Variants in MSI2 observed in about 807,000 individuals in gnomAD.
MSI2 encodes the protein RNA-binding protein Musashi homolog 2.
Under a neutral mutation model 45.6 loss-of-function variants are expected in MSI2, and 17 were observed. The observed-to-expected ratio is 0.37, with a 90% CI of 0.26 to 0.56. The LOEUF (loss-of-function observed/expected upper bound fraction) is 0.56, where lower values mean the gene tolerates loss of function less well. Among genes scored for constraint, MSI2 ranks in the 20% least tolerant of loss-of-function variants. The pLI, the probability that MSI2 is intolerant of heterozygous loss-of-function variation, is 0.77. For missense variants in MSI2, 293 were observed against 444.2 expected, an observed-to-expected ratio of 0.66 and a Z score of 3.06; for synonymous variants, 156 against 158.2, an observed-to-expected ratio of 0.99 and a Z score of 0.11.
intron 7 of MSI2, among the ~76,000 whole-genome samples, chr17:57,536,202 T>C (rs1272643888): frequency 6.6e-6 from 1 of 152,234 alleles, no homozygotes; most frequent in African/African-American, 2.4e-5. Flanking sequence ...ACATAATGTA[T>C]GCATGTCCTT....
At chr17:57,528,602 G>C (rs2086754065) in intron 6 of MSI2, among the ~76,000 whole-genome samples, 1 of 152,162 alleles carries the variant, frequency 6.6e-6, no homozygotes. Flanking sequence ...CAATTCTGGA[G>C]GCTAGAAGTT....
intron 10 of MSI2, among the ~76,000 whole-genome samples, chr17:57,635,921 C>T (rs1033857899): frequency 3.3e-5 from 5 of 152,224 alleles, no homozygotes; most frequent in African/African-American, 1.2e-4. Context: ...TGCCATGTAG[C>T]TTGCCTTCTA....
the MSI2 span, among the ~76,000 whole-genome samples, chr17:57,698,904 TGTG>T: frequency 7.0e-6 from 1 of 142,106 alleles, no homozygotes; most frequent in South Asian, 2.3e-4. Flanking sequence ...TGTGTGTGTG[TGTG>T]TGTGTGTGTG....
chr17:57,494,583 A>G (rs2085939511), intron 6 of MSI2, among the ~76,000 whole-genome samples: 1 of 152,220 alleles, frequency 6.6e-6, no homozygotes, highest in African/African-American at 2.4e-5. Context: ...CCTCCATAAA[A>G]TAACCTGCTT....
intron 5 of MSI2, among the ~76,000 whole-genome samples, chr17:57,291,317 G>A (rs765029928): frequency 6.6e-6 from 1 of 152,148 alleles, no homozygotes; most frequent in Non-Finnish European, 1.5e-5. Flanking sequence ...ATCCCGGAGT[G>A]TTCTGAAATA....
chr17:57,456,702 C>T (rs531233314), intron 6 of MSI2, among the ~76,000 whole-genome samples: 2 of 152,138 alleles, frequency 1.3e-5, no homozygotes, highest in African/African-American at 4.8e-5. Flanking sequence ...GCTCAGGGCA[C>T]AACTGGGGCT....
chr17:57,409,047 C>T lies in MSI2; in HGVS notation c.405+7576C>T, dbSNP rs192169991. Among the ~76,000 whole-genome samples the T allele has an allele frequency of 3.5e-3, 527 of 152,174 alleles. 1 individual carries two copies. Among genetic ancestry groups the T allele is most frequent in the African/African-American group, 0.012 (502 of 41,496 alleles). On this transcript the variant is annotated intron_variant, in intron 6 of 13. Coordinates refer to ENST00000284073, the MANE Select transcript of MSI2 (RefSeq NM_138962.4). Reference sequence around the variant, plus strand: ...ACCACCCTCTAAATTTTTACAGCTCCGTATATTCAGACTTGGTATTTGTGA... The same window carrying T: ...ACCACCCTCTAAATTTTTACAGCTCTGTATATTCAGACTTGGTATTTGTGA...
intron 6 of MSI2, among the ~76,000 whole-genome samples, chr17:57,523,255 G>C (rs1349022942): frequency 6.6e-6 from 1 of 152,064 alleles, no homozygotes; most frequent in Non-Finnish European, 1.5e-5. Context: ...CACTATGTTG[G>C]CCAGGCTGGT....
rs779345531 is a variant in MSI2, at chr17:57,529,604, G to A, written c.406-72G>A. 3.2e-5 allele frequency: 45 copies of A among 1,393,644 alleles called. No individual in the cohort carries two copies. The highest frequency in any genetic ancestry group is 4.4e-5 in the African/African-American group (3 of 68,816). 86.3% of individuals were successfully genotyped at this position (1,393,644 alleles called of 1,614,324 possible). A position where few individuals can be genotyped will look rare whatever the true frequency, so the allele number is the denominator to read the frequency against. On this transcript the variant is annotated intron_variant, in intron 6 of 13. Coordinates refer to ENST00000284073, the MANE Select transcript of MSI2 (RefSeq NM_138962.4). The surrounding 1 kb of genome is among the most constrained non-coding windows in gnomAD (Gnocchi z 5.3). ...AATGGAAACTACCCCCTCACCCCCC[G>A]ACATGCATATAATGTTTTGTGTACT...
Position 57,680,775 on chromosome 17 carries a change from G to GGGGGGGGGGGGGGGGCCC in MSI2, c.*1258_*1259insGGGGGGGGGGGGGGGCCC. 6.5e-6 allele frequency: 1 copy of GGGGGGGGGGGGGGGGCCC among 152,792 alleles called. No individual in the cohort carries two copies. Among genetic ancestry groups the GGGGGGGGGGGGGGGGCCC allele is most frequent in the Non-Finnish European group, 1.4e-5 (1 of 71,482 alleles). The allele number at this position is 152,792 out of a possible 1,614,324, so 9.5% of individuals were successfully genotyped here. ...GCTTGGGTGGGGGTGGGGTGGGGGG[G>GGGGGGGGGGGGGGGGCCC]ACATTCTTTTTCAGTCTTAATTTTT... On this transcript the variant is annotated 3_prime_UTR_variant, in exon 14 of 14. Transcript: ENST00000284073.
chr17:57,383,234 A>AT (rs1455623506), intron 5 of MSI2, among the ~76,000 whole-genome samples: 1 of 152,206 alleles, frequency 6.6e-6, no homozygotes, highest in Non-Finnish European at 1.5e-5. Context: ...AAGAATTCAG[A>AT]TTTTGCCTAG....
At chr17:57,265,042 A>G (rs1907650352) in intron 5 of MSI2, 1 of 152,160 alleles carries the variant, frequency 6.6e-6, no homozygotes, top group Non-Finnish European at 1.5e-5. Flanking sequence ...AGTAAATGCC[A>G]AGGTTGTATG....
intron 5 of MSI2, among the ~76,000 whole-genome samples, chr17:57,285,622 C>G (rs1909804535): frequency 6.6e-6 from 1 of 152,176 alleles, no homozygotes; most frequent in African/African-American, 2.4e-5. Context: ...TTCCGGCCCC[C>G]ACAGTCATGC....
chr17:57,417,890 G>A (rs949680226), intron 6 of MSI2, among the ~76,000 whole-genome samples: 1 of 152,150 alleles, frequency 6.6e-6, no homozygotes, highest in South Asian at 2.1e-4. Context: ...ATGCCTTTTT[G>A]TAAAGAGGCA....
chr17:57,652,052 C>G lies in MSI2; in HGVS notation c.728-47C>G. ...CCGTGACCTAGGTCTGTGCCTGGCC[C>G]TTTCAAGGATTCCTCCATGACTCAG... is the stretch of plus-strand genomic sequence containing the variant. On this transcript the variant is annotated intron_variant, in intron 10 of 13. Transcript: ENST00000284073. The surrounding 1 kb of genome is among the most constrained non-coding windows in gnomAD (Gnocchi z 4.1). 6.3e-7 allele frequency: 1 copy of G among 1,593,432 alleles called. No homozygotes were observed. Among genetic ancestry groups the G allele is most frequent in the Non-Finnish European group, 8.6e-7 (1 of 1,161,396 alleles).
At chr17:57,434,828 C>T (rs530057645) in intron 6 of MSI2, among the ~76,000 whole-genome samples, 2 of 151,860 alleles carry the variant, frequency 1.3e-5, no homozygotes, top group East Asian at 3.9e-4. Flanking sequence ...AATTTGTTTC[C>T]ATGTCTTGGC....
At chr17:57,468,116 T>C (rs1415510830) in intron 6 of MSI2, among the ~76,000 whole-genome samples, 1 of 151,982 alleles carries the variant, frequency 6.6e-6, no homozygotes, top group East Asian at 1.9e-4. Context: ...CACCATTTAC[T>C]GTCTGTTACG....
At chr17:57,306,060 G>C (rs569913212) in intron 5 of MSI2, among the ~76,000 whole-genome samples, 1 of 152,202 alleles carries the variant, frequency 6.6e-6, no homozygotes, top group Non-Finnish European at 1.5e-5. Context: ...TCCTGGACCT[G>C]GTGGGGCTTT....
At position 57,682,613 on chromosome 17, in the gene MSI2, TCC is replaced by T; in HGVS notation, c.*3101_*3102del. 4.8e-6 allele frequency: 1 copy of T among 209,920 alleles called. No individual in the cohort carries two copies. The highest frequency in any genetic ancestry group is 1.9e-4 in the South Asian group (1 of 5,244). The allele number at this position is 209,920 out of a possible 1,614,324, so 13.0% of individuals were successfully genotyped here. On this transcript the variant is annotated 3_prime_UTR_variant, in exon 14 of 14. Transcript: ENST00000284073. ...TACCTAGGTTTAAGGTTCACGTTAGTCCCCCCATTCCATCTAGAAGTCCATTT... is the reference window on the plus strand; with the variant it reads ...TACCTAGGTTTAAGGTTCACGTTAGTCCCCATTCCATCTAGAAGTCCATTT...
Sources: gnomAD v4.1 joint callset for allele counts (sites outside exome capture counted in the v4.1 genomes callset) on GRCh38, gnomAD v4.1.1 for gene constraint, Gnocchi (gnomAD v3.1) non-coding constraint, MANE v1.5 for transcripts, NCBI Gene and HGNC (gene_info 2026-07-23, HGNC 2026-07-21) for gene names.